The following SLC30A7 variants were observed in gnomAD, a reference collection of about 807,000 sequenced individuals.
SLC30A7 encodes solute carrier family 30 member 7.
Under a neutral mutation model 46.0 loss-of-function variants are expected in SLC30A7, and 35 were observed. That is an observed-to-expected ratio of 0.76 (90% confidence interval 0.58 to 1.01). The LOEUF is 1.01. SLC30A7 is among the 50% of genes least tolerant of loss of function. The probability of loss-of-function intolerance (pLI) is 0.00; values close to 1 mark genes in which losing one functional copy is unlikely to be tolerated. For synonymous variants in SLC30A7, 147 were observed against 157.8 expected, an observed-to-expected ratio of 0.93 and a Z score of 0.51; for missense variants, 464 against 451.1, an observed-to-expected ratio of 1.03 and a Z score of -0.26.
At position 100,949,740 on chromosome 1, in the gene SLC30A7, AG is replaced by A. The variant is rs1654856740; in HGVS notation, c.843-12086del. On this transcript the variant is annotated intron_variant, in intron 8 of 10. Transcript: ENST00000357650. ...CAATACAGATGCCCCTCCCCCAGCC[AG>A]GCTGCAGCATTGCAGGTCGATCTCA... is the stretch of plus-strand genomic sequence containing the variant. Among the ~76,000 whole-genome samples, 5 of 152,296 alleles carry A rather than the reference AG, an allele frequency of 3.3e-5. No individual in the cohort carries two copies. The South Asian group carries it at 1.0e-3, about 32-fold the overall frequency.
Position 100,980,488 on chromosome 1 carries a change from A to G in SLC30A7, c.*5631A>G, listed in dbSNP as rs1170313516. 6.6e-5 allele frequency: 10 copies of G among 152,134 alleles called. No individual in the cohort carries two copies. Among genetic ancestry groups the G allele is most frequent in the East Asian group, 1.9e-4 (1 of 5,202 alleles). The allele number at this position is 152,134 out of a possible 1,614,324, so 9.4% of individuals were successfully genotyped here. On this transcript the variant is annotated 3_prime_UTR_variant, in exon 11 of 11. Coordinates refer to ENST00000357650, the MANE Select transcript of SLC30A7 (RefSeq NM_133496.5). Reference sequence around the variant, plus strand: ...TCTGCATCCTTTTATCCTCAAACTTAGCATGGATTCACATGCTGAGTAAAT... The same window carrying G: ...TCTGCATCCTTTTATCCTCAAACTTGGCATGGATTCACATGCTGAGTAAAT...
At chr1:100,901,956 A>T (rs1423310133) in intron 2 of SLC30A7, among the ~76,000 whole-genome samples, 1 of 8,786 alleles carries the variant, frequency 1.1e-4, no homozygotes, top group Non-Finnish European at 1.8e-4. Flanking sequence ...TTTTTAAGGA[A>T]ATTTATAGTT....
intron 10 of SLC30A7, among the ~76,000 whole-genome samples, chr1:100,968,813 C>T (rs1656000751): frequency 6.6e-6 from 1 of 152,174 alleles, no homozygotes; most frequent in Admixed American, 6.5e-5. Flanking sequence ...TTTGCATTCC[C>T]AGTGCTTAGA....
downstream of SLC30A7, among the ~76,000 whole-genome samples, chr1:100,986,281 T>C (rs1158715990): frequency 6.6e-6 from 1 of 151,996 alleles, no homozygotes; most frequent in Non-Finnish European, 1.5e-5. Context: ...TGGTGGTGCA[T>C]GCCTGTAATC....
Position 100,921,835 on chromosome 1 carries a change from T to A in SLC30A7, c.836T>A (p.Val279Asp). The change falls in exon 8 of 11, where the codon GTT becomes GAT. Residue 279 changes from valine to aspartate, a missense_variant. Coordinates refer to ENST00000357650, the MANE Select transcript of SLC30A7 (RefSeq NM_133496.5). The stretch of plus-strand genomic sequence containing the variant: ...TCAATTCTTATAGCCATTCTTATAG[T>A]TGTAAGGTAAGTGTTATTGTTACTT... Reference protein sequence around the residue: ...ICSILIAILIVVSVIPLLRES... With the variant: ...ICSILIAILIDVSVIPLLRES... 6.2e-7 allele frequency: 1 copy of A among 1,612,290 alleles called. No homozygotes were observed.
At chr1:100,987,906 T>C in the SLC30A7 span, among the ~76,000 whole-genome samples, 164 of 152,304 alleles carry the variant, frequency 1.1e-3, no homozygotes, top group Admixed American at 1.8e-3. Context: ...GTGCACAGCC[T>C]TTACTAATAC....
chr1:100,973,175 C>T (rs1656253368), intron 10 of SLC30A7, among the ~76,000 whole-genome samples: 1 of 152,178 alleles, frequency 6.6e-6, no homozygotes, highest in South Asian at 2.1e-4. Context: ...TGAATCCTTT[C>T]AAGCACTCAG....
At chr1:100,990,066 T>G in the SLC30A7 span, 1 of 281,848 alleles carries the variant, frequency 3.5e-6, no homozygotes, top group Non-Finnish European at 6.8e-6. Context: ...GACTGGGTAA[T>G]TATAAAAGAG....
intron 6 of SLC30A7, 45 bp downstream of exon 6, chr1:100,913,851 G>T (rs770558085): frequency 1.8e-5 from 28 of 1,568,016 alleles, no homozygotes; most frequent in Non-Finnish European, 2.3e-5. Context: ...AAATAAACAA[G>T]AGTTTTGTGG....
intron 3 of SLC30A7, among the ~76,000 whole-genome samples, chr1:100,908,349 A>G (rs950313640): frequency 1.3e-5 from 2 of 152,178 alleles, no homozygotes; most frequent in Non-Finnish European, 2.9e-5. Context: ...CTAATGATGT[A>G]AAAATGATCT....
intron 8 of SLC30A7, among the ~76,000 whole-genome samples, chr1:100,924,947 A>G (rs1045099136): frequency 6.6e-6 from 1 of 152,254 alleles, no homozygotes; most frequent in African/African-American, 2.4e-5. Context: ...TTAATCGTAG[A>G]TAAGATCTTC....
chr1:100,962,183 T>C (rs1655586193), intron 9 of SLC30A7, among the ~76,000 whole-genome samples: 1 of 152,204 alleles, frequency 6.6e-6, no homozygotes, highest in South Asian at 2.1e-4. Flanking sequence ...GAGATATTCA[T>C]TCAACATAGA....
intron 10 of SLC30A7, among the ~76,000 whole-genome samples, chr1:100,968,614 A>G (rs1204701016): frequency 6.6e-6 from 1 of 152,196 alleles, no homozygotes; most frequent in Non-Finnish European, 1.5e-5. Flanking sequence ...CACGTACTTT[A>G]TACTCCAAAC....
intron 8 of SLC30A7, among the ~76,000 whole-genome samples, chr1:100,936,792 TC>T (rs1482979318): frequency 6.6e-6 from 1 of 152,180 alleles, no homozygotes; most frequent in East Asian, 1.9e-4. Context: ...ATTTTTTCTG[TC>T]TCTATGAAGT....
At chr1:100,965,970 A>G (rs1655836278) in intron 10 of SLC30A7, 52 bp downstream of exon 10, 1 of 1,495,278 alleles carries the variant, frequency 6.7e-7, no homozygotes, top group South Asian at 1.3e-5. Flanking sequence ...TTTTATAACT[A>G]GTAGTTTTAA....
intron 4 of SLC30A7, 88 bp downstream of exon 4, chr1:100,911,238 CTAT>C (rs1389971441): frequency 3.5e-6 from 3 of 863,048 alleles, no homozygotes; most frequent in African/African-American, 1.7e-5. Context: ...TTTTTTTCAA[CTAT>C]TATTAAATAT....
At chr1:100,991,317 T>C in the SLC30A7 span, among the ~76,000 whole-genome samples, 1 of 152,142 alleles carries the variant, frequency 6.6e-6, no homozygotes, top group African/African-American at 2.4e-5. Context: ...TATTGTTTAG[T>C]TGGGAAAGGG....
intron 2 of SLC30A7, among the ~76,000 whole-genome samples, chr1:100,902,825 A>C (rs1651391642): frequency 6.6e-6 from 1 of 152,172 alleles, no homozygotes; most frequent in East Asian, 1.9e-4. Flanking sequence ...TTATATCTGC[A>C]ATGAGTCCAT....
At chr1:100,957,206 G>A (rs988798664) in intron 8 of SLC30A7, among the ~76,000 whole-genome samples, 3 of 152,144 alleles carry the variant, frequency 2.0e-5, no homozygotes, top group Admixed American at 1.3e-4. Flanking sequence ...GCCACAACTC[G>A]AGAGTAAGGT....
Sources: allele counts gnomAD v4.1 joint callset (sites outside exome capture counted in the v4.1 genomes callset), GRCh38; gene constraint gnomAD v4.1.1; transcripts MANE v1.5; gene names NCBI Gene and HGNC (gene_info 2026-07-23, HGNC 2026-07-21).